EXD1: variants seen among roughly 807,000 people sequenced by gnomAD.
EXD1 encodes the protein piRNA biogenesis protein EXD1.
Under a neutral mutation model 49.1 loss-of-function variants are expected in EXD1, and 63 were observed. That is an observed-to-expected ratio of 1.28 (90% CI 1.05 to 1.58). The LOEUF (loss-of-function observed/expected upper bound fraction) is 1.58, where lower values mean the gene tolerates loss of function less well. EXD1 is among the 40% of genes most tolerant of loss of function. The probability of loss-of-function intolerance (pLI) is 0.00; values close to 1 mark genes in which losing one functional copy is unlikely to be tolerated. For synonymous variants in EXD1, 234 were observed against 239.2 expected (o/e 0.98, Z 0.20); for missense variants, 748 against 666.0 (o/e 1.12, Z -1.36).
chr15:41,222,916 C>G (rs1475790074), intron 2 of EXD1, among the ~76,000 whole-genome samples: 5 of 126,574 alleles, frequency 4.0e-5, no homozygotes, highest in African/African-American at 1.5e-4. Context: ...AGCGTGAGGA[C>G]AGACTGAGAC....
Position 41,184,581 on chromosome 15 carries a change from C to G in EXD1, c.1069G>C (p.Glu357Gln). 2.5e-6 allele frequency: 4 copies of G among 1,591,892 alleles called. No individual in the cohort carries two copies. The change falls in exon 12 of 12, where the codon GAG (glutamate) becomes CAG (glutamine). Residue 357 changes from glutamate (E) to glutamine (Q), a missense_variant. By Grantham distance (29) the Glu-to-Gln change is conservative. Transcript: ENST00000458580. Reference protein sequence around the residue: ...RLGGTEPTCMELPEELLQLKD... With the variant: ...RLGGTEPTCMQLPEELLQLKD... ...AGTTGAAGCAGTTCCTCTGGCAGCT[C>G]CATACATGTAGGCTAAGAAGAGAAA...
At chr15:41,206,848 C>A (rs1340900790) in intron 7 of EXD1, among the ~76,000 whole-genome samples, 1 of 147,834 alleles carries the variant, frequency 6.8e-6, no homozygotes, top group Non-Finnish European at 1.5e-5. Context: ...TCTCAAACCC[C>A]TGACCTTGTG....
chr15:41,222,599 T>C lies in EXD1; in HGVS notation c.134-2701A>G, dbSNP rs191237296. 1.5e-3 allele frequency among the ~76,000 whole-genome samples: 221 copies of C among 152,118 alleles called. 2 individuals are homozygous for C. The highest frequency in any genetic ancestry group is 1.7e-3 in the Non-Finnish European group (114 of 67,998). On this transcript the variant is annotated intron_variant, in intron 2 of 11. Coordinates refer to ENST00000458580, the MANE Select transcript of EXD1 (RefSeq NM_001286441.2). ...GATCTCACACTCCATTATACCTGTCTACCTATTTGTCTATTTATTATAGTA... is the reference window on the plus strand; with the variant it reads ...GATCTCACACTCCATTATACCTGTCCACCTATTTGTCTATTTATTATAGTA...
chr15:41,230,313 C>T (rs994136071), intron 1 of EXD1, among the ~76,000 whole-genome samples, 166 bp downstream of exon 1: 6 of 152,022 alleles, frequency 3.9e-5, no homozygotes, highest in African/African-American at 1.4e-4. Flanking sequence ...GAACTCACGA[C>T]CTCAGGTGTT....
At chr15:41,203,449 C>A (rs2046765792) in intron 7 of EXD1, among the ~76,000 whole-genome samples, 1 of 152,092 alleles carries the variant, frequency 6.6e-6, no homozygotes, top group African/African-American at 2.4e-5. Flanking sequence ...AAATAATACC[C>A]CAAAGCAAAG....
chr15:41,207,870 G>C (rs1219788724), intron 7 of EXD1, among the ~76,000 whole-genome samples: 5 of 151,844 alleles, frequency 3.3e-5, no homozygotes. Flanking sequence ...AATTAGCCAG[G>C]CATGTTGGCT....
chr15:41,218,650 A>T (rs1394546445), intron 3 of EXD1, among the ~76,000 whole-genome samples: 1 of 152,090 alleles, frequency 6.6e-6, no homozygotes, highest in African/African-American at 2.4e-5. Context: ...AAACCCATTC[A>T]CAGCCTAGCT....
chr15:41,191,826 G>C (rs1166715694), intron 9 of EXD1: 1 of 407,056 alleles, frequency 2.5e-6, no homozygotes, highest in East Asian at 4.7e-5. Flanking sequence ...GCTCAGGCTG[G>C]AGTGCAGTGG....
chr15:41,192,594 A>ATTTTTTTT lies in EXD1; in HGVS notation c.721-1017_721-1010dup, dbSNP rs59054803. Reference sequence around the variant, plus strand: ...ACAGGCGTGAACCACTGCGCCAGGCATTTTTTTTTTTTTTTTTTTTTTTTT... The same window carrying ATTTTTTTT: ...ACAGGCGTGAACCACTGCGCCAGGCATTTTTTTTTTTTTTTTTTTTTTTTTTTTTTTTT... On this transcript the variant is annotated intron_variant, in intron 9 of 11. Transcript: ENST00000458580. 4.4e-4 allele frequency among the ~76,000 whole-genome samples: 18 copies of ATTTTTTTT among 40,878 alleles called. 5 individuals carry two copies. Among genetic ancestry groups the ATTTTTTTT allele is most frequent in the African/African-American group, 3.7e-4 (5 of 13,498 alleles). The allele number at this position is 40,878 out of a possible 152,430, so 26.8% of individuals were successfully genotyped here.
chr15:41,229,144 GACA>G (rs937849751), intron 1 of EXD1, among the ~76,000 whole-genome samples: 6 of 152,080 alleles, frequency 3.9e-5, no homozygotes, highest in African/African-American at 1.2e-4. Flanking sequence ...GAGTACAAAG[GACA>G]ACATCACTAG....
intron 7 of EXD1, among the ~76,000 whole-genome samples, chr15:41,202,865 C>A (rs2046754356): frequency 6.8e-6 from 1 of 147,128 alleles, no homozygotes. Context: ...TTGCAGTTAG[C>A]TGAGATTGTG....
chr15:41,194,829 C>T (rs773310491), intron 9 of EXD1, among the ~76,000 whole-genome samples: 6 of 152,092 alleles, frequency 3.9e-5, no homozygotes, highest in Non-Finnish European at 5.9e-5. Context: ...TTGGAGTAAG[C>T]ATAAAAGCAA....
At chr15:41,219,712 G>T (rs769248060) in intron 3 of EXD1, 118 bp downstream of exon 3, 1 of 769,084 alleles carries the variant, frequency 1.3e-6, no homozygotes, top group Non-Finnish European at 2.1e-6. Flanking sequence ...GCAGTAAGAA[G>T]GATCAATTCT....
intron 7 of EXD1, among the ~76,000 whole-genome samples, chr15:41,204,247 CA>C (rs773719149): frequency 0.2 from 14,856 of 76,022 alleles, 884 homozygotes; most frequent in South Asian, 0.34. Flanking sequence ...GACTCTGTCT[CA>C]AAAAAAAAAA....
At position 41,217,165 on chromosome 15, in the gene EXD1, A is replaced by G. The variant is rs940349077; in HGVS notation, c.203-11T>C. On this transcript the variant is annotated splice_polypyrimidine_tract_variant and intron_variant, in intron 3 of 11. Transcript: ENST00000458580. ...CATCTAGTAGTTCCACTGTAAAATA[A>G]CCAAATGGCTTCCAACAGAGTTTCC... The G allele has an allele frequency of 6.2e-7, 1 of 1,611,082 alleles. No individual in the cohort carries two copies. Among genetic ancestry groups the G allele is most frequent in the Non-Finnish European group, 8.5e-7 (1 of 1,179,442 alleles).
chr15:41,209,385 C>G, intron 7 of EXD1, 116 bp downstream of exon 7: 1 of 838,906 alleles, frequency 1.2e-6, no homozygotes, highest in Admixed American at 2.4e-5. Flanking sequence ...ACTGTGGCCT[C>G]AGTGACAGAG....
intron 7 of EXD1, among the ~76,000 whole-genome samples, chr15:41,199,734 T>TATAATATATC (rs376100627): frequency 0.2 from 12,881 of 64,982 alleles, 1,885 homozygotes; most frequent in East Asian, 0.5. Context: ...ATATATGATA[T>TATAATATATC]ATATGTCATA....
At chr15:41,196,624 T>G (rs911241621) in intron 7 of EXD1, among the ~76,000 whole-genome samples, 2 of 151,326 alleles carry the variant, frequency 1.3e-5, no homozygotes, top group Non-Finnish European at 2.9e-5. Flanking sequence ...TGAGAAAGGG[T>G]TTCACCATAT....
At position 41,184,146 on chromosome 15, in the gene EXD1, T is replaced by C. The variant is rs1339320414; in HGVS notation, c.1504A>G (p.Lys502Glu). The change falls in exon 12 of 12, where the codon AAA becomes GAA. Residue 502 changes from lysine (K) to glutamate (E), a missense_variant. Transcript: ENST00000458580. Reference sequence around the variant, plus strand: ...ATCAATAACTGTTCTGTCTCCTCTTTCAAAGATAAACTTGCCTGAAACTCA... The same window carrying C: ...ATCAATAACTGTTCTGTCTCCTCTTCCAAAGATAAACTTGCCTGAAACTCA... The part of the protein sequence containing the change: ...KHEFQASLSL[K>E]EETEQLLMVE... 1.2e-6 allele frequency: 2 copies of C among 1,614,218 alleles called. No homozygotes were observed. Among genetic ancestry groups the C allele is most frequent in the South Asian group, 1.1e-5 (1 of 91,090 alleles).
Sources: allele counts gnomAD v4.1 joint callset (sites outside exome capture counted in the v4.1 genomes callset), GRCh38; gene constraint gnomAD v4.1.1; transcripts MANE v1.5; gene names NCBI Gene and HGNC (gene_info 2026-07-23, HGNC 2026-07-21).